MACROD2: variants seen among roughly 807,000 people sequenced by gnomAD.
MACROD2 encodes the protein mono-ADP ribosylhydrolase 2, also known as ADP-ribose glycohydrolase MACROD2.
MACROD2 carries 36 observed loss-of-function variants against 70.4 expected under a neutral mutation model. The ratio of observed to expected loss-of-function variants is 0.51; its 90% CI spans 0.39 to 0.68. The LOEUF (loss-of-function observed/expected upper bound fraction) is 0.68, where lower values mean the gene tolerates loss of function less well. Among genes scored for constraint, MACROD2 ranks in the 30% least tolerant of loss-of-function variants. The pLI is 0.00. For synonymous variants in MACROD2, 172 were observed against 178.8 expected (o/e 0.96, Z 0.30); for missense variants, 496 against 538.4 (o/e 0.92, Z 0.78).
chr20:15,278,593 C>A (rs993079529), intron 6 of MACROD2, among the ~76,000 whole-genome samples: 2 of 152,156 alleles, frequency 1.3e-5, no homozygotes, highest in African/African-American at 4.8e-5. Context: ...AAACAGGTAG[C>A]AATGGAGATC....
chr20:14,092,358 A>G (rs1031915895), intron 3 of MACROD2, among the ~76,000 whole-genome samples: 1 of 152,038 alleles, frequency 6.6e-6, no homozygotes, highest in African/African-American at 2.4e-5. Context: ...GGTCTCAGTG[A>G]TATTTGTGAA....
intron 3 of MACROD2, among the ~76,000 whole-genome samples, chr20:14,300,035 C>G (rs1171068445): frequency 6.6e-6 from 1 of 152,038 alleles, no homozygotes; most frequent in Non-Finnish European, 1.5e-5. Context: ...ACAACTTTTC[C>G]CCACCCCCAT....
chr20:14,409,420 A>G (rs1260172860), intron 3 of MACROD2, among the ~76,000 whole-genome samples: 3 of 141,456 alleles, frequency 2.1e-5, no homozygotes, highest in Non-Finnish European at 4.7e-5. Flanking sequence ...ACCCTATGTT[A>G]TTGGTATTTT....
At chr20:15,478,428 A>G (rs2047050637) in intron 7 of MACROD2, among the ~76,000 whole-genome samples, 1 of 152,140 alleles carries the variant, frequency 6.6e-6, no homozygotes, top group Non-Finnish European at 1.5e-5. Flanking sequence ...CTTGTCTACA[A>G]CTTGTCTACT....
intron 7 of MACROD2, among the ~76,000 whole-genome samples, chr20:15,444,874 A>G (rs73272906): frequency 3.3e-4 from 51 of 152,264 alleles, no homozygotes; most frequent in African/African-American, 1.2e-3. Flanking sequence ...TGCCTATATC[A>G]TGGGGTTGTT....
intron 6 of MACROD2, among the ~76,000 whole-genome samples, chr20:15,393,539 G>T (rs1002479586): frequency 2.0e-5 from 3 of 151,920 alleles, no homozygotes; most frequent in African/African-American, 7.3e-5. Context: ...ATTTGCTTCT[G>T]CCCTCCCTTC....
intron 3 of MACROD2, among the ~76,000 whole-genome samples, chr20:14,349,553 T>C (rs1387876493): frequency 7.6e-6 from 1 of 131,550 alleles, no homozygotes; most frequent in Non-Finnish European, 1.7e-5. Flanking sequence ...ATATATTATA[T>C]ATTAACATTA....
intron 3 of MACROD2, among the ~76,000 whole-genome samples, chr20:14,137,018 T>C (rs1318103162): frequency 2.0e-5 from 3 of 152,216 alleles, no homozygotes; most frequent in Admixed American, 6.5e-5. Context: ...CTATTATGCA[T>C]TGAGATGTGC....
At chr20:15,041,315 G>T (rs1239406199) in intron 5 of MACROD2, among the ~76,000 whole-genome samples, 2 of 152,102 alleles carry the variant, frequency 1.3e-5, no homozygotes, top group African/African-American at 4.8e-5. Flanking sequence ...ATTAACACCT[G>T]CTCAATATTG....
chr20:14,511,817 C>T (rs1174908924), intron 4 of MACROD2, among the ~76,000 whole-genome samples: 1 of 151,906 alleles, frequency 6.6e-6, no homozygotes, highest in Admixed American at 6.6e-5. Flanking sequence ...TCCTTTAGGA[C>T]ACAATAACAA....
chr20:15,523,759 G>C (rs1482127527), intron 8 of MACROD2, among the ~76,000 whole-genome samples: 3 of 152,174 alleles, frequency 2.0e-5, no homozygotes, highest in Non-Finnish European at 2.9e-5. Flanking sequence ...TGTGGGAAAT[G>C]TTTGTCTTCA....
rs578006768 is a variant in MACROD2, at chr20:15,236,312, G to A, written c.540+6251G>A. 3.3e-5 allele frequency among the ~76,000 whole-genome samples: 5 copies of A among 152,218 alleles called. No homozygotes were observed. In the East Asian group the frequency reaches 5.8e-4, roughly 18 times the overall value. ...AGGCAGCAGAGTCGAGGAGGAGGGC[G>A]GGCATGGAATGATAGTAAATTCACA... On this transcript the variant is annotated intron_variant, in intron 6 of 17. Transcript: ENST00000684519.
At chr20:15,570,246 G>A (rs993301076) in intron 8 of MACROD2, among the ~76,000 whole-genome samples, 1 of 152,110 alleles carries the variant, frequency 6.6e-6, no homozygotes, top group Non-Finnish European at 1.5e-5. Flanking sequence ...CAAATGTGAG[G>A]TTTTAATTTG....
intron 3 of MACROD2, among the ~76,000 whole-genome samples, chr20:14,142,685 C>A (rs80189859): frequency 0.014 from 2,125 of 152,256 alleles, 44 homozygotes; most frequent in African/African-American, 0.047. Flanking sequence ...TTAGTACTTG[C>A]ATCTTTGGTG....
intron 8 of MACROD2, among the ~76,000 whole-genome samples, chr20:15,639,381 G>A (rs530546657): frequency 1.9e-4 from 29 of 152,278 alleles, no homozygotes; most frequent in Admixed American, 2.0e-4. Context: ...AAGGCAGTTA[G>A]TGAAAAATAT....
At chr20:15,670,829 A>G (rs905365695) in intron 8 of MACROD2, among the ~76,000 whole-genome samples, 2 of 152,238 alleles carry the variant, frequency 1.3e-5, no homozygotes, top group African/African-American at 4.8e-5. Flanking sequence ...CTAGAAGTGA[A>G]GAGGTCAAGG....
chr20:14,940,048 T>C (rs931500036), intron 5 of MACROD2, among the ~76,000 whole-genome samples: 1 of 142,970 alleles, frequency 7.0e-6, no homozygotes, highest in Non-Finnish European at 1.5e-5. Flanking sequence ...CGTCTGTATA[T>C]AGGAAATCCT....
At chr20:14,188,478 A>G (rs1255328034) in intron 3 of MACROD2, among the ~76,000 whole-genome samples, 1 of 152,160 alleles carries the variant, frequency 6.6e-6, no homozygotes, top group Non-Finnish European at 1.5e-5. Context: ...AATATGTTTT[A>G]TATGATAATT....
At chr20:14,274,012 C>T (rs2082225375) in intron 3 of MACROD2, among the ~76,000 whole-genome samples, 3 of 151,958 alleles carry the variant, frequency 2.0e-5, no homozygotes, top group Non-Finnish European at 4.4e-5. Context: ...AATAGCTTAC[C>T]AACCAAAAAG....
Sources: allele counts gnomAD v4.1 joint callset (sites outside exome capture counted in the v4.1 genomes callset), GRCh38; gene constraint gnomAD v4.1.1; transcripts MANE v1.5; gene names NCBI Gene and HGNC (gene_info 2026-07-23, HGNC 2026-07-21).